Variants in ARMH3 observed in about 807,000 individuals in gnomAD.
The protein encoded by ARMH3 is armadillo like helical domain containing 3, also known as armadillo-like helical domain-containing protein 3.
In ARMH3, 60 loss-of-function variants were observed where a neutral mutation model predicts 99.1. The observed-to-expected ratio is 0.61, with a 90% CI of 0.49 to 0.75. ARMH3 has a LOEUF of 0.75. Among genes scored for constraint, ARMH3 ranks in the 30% least tolerant of loss-of-function variants. ARMH3 has a pLI of 0.00. For missense variants in ARMH3, 679 were observed against 843.1 expected (o/e 0.81, Z 2.41); for synonymous variants, 285 against 292.8 (o/e 0.97, Z 0.27).
intron 22 of ARMH3, among the ~76,000 whole-genome samples, chr10:101,950,986 A>T (rs756125795): frequency 2.0e-5 from 3 of 152,240 alleles, no homozygotes; most frequent in Non-Finnish European, 4.4e-5. Context: ...TATTAAAAAA[A>T]TTTTAAAAAG....
chr10:102,053,530 G>A (rs974367031), intron 1 of ARMH3, among the ~76,000 whole-genome samples: 2 of 151,888 alleles, frequency 1.3e-5, no homozygotes, highest in Admixed American at 6.6e-5. Context: ...CCACCAGGCC[G>A]AGTAAAAATG....
intron 21 of ARMH3, among the ~76,000 whole-genome samples, chr10:101,957,178 G>A (rs1358998824): frequency 6.6e-6 from 1 of 152,076 alleles, no homozygotes; most frequent in African/African-American, 2.4e-5. Flanking sequence ...CTCTAATGTT[G>A]AACATTTAAG....
At chr10:101,962,414 T>C (rs1261466814) in intron 20 of ARMH3, among the ~76,000 whole-genome samples, 1 of 151,994 alleles carries the variant, frequency 6.6e-6, no homozygotes, top group Non-Finnish European at 1.5e-5. Context: ...TTTTTTTTTT[T>C]TTACCCTCTA....
chr10:101,863,623 T>C (rs770843244), intron 24 of ARMH3, among the ~76,000 whole-genome samples: 6 of 152,120 alleles, frequency 3.9e-5, no homozygotes, highest in Non-Finnish European at 8.8e-5. Context: ...TTGTGTATCT[T>C]AGAAATTTTG....
intron 1 of ARMH3, among the ~76,000 whole-genome samples, chr10:102,054,985 A>C (rs1181841040): frequency 6.6e-6 from 1 of 151,346 alleles, no homozygotes; most frequent in Non-Finnish European, 1.5e-5. Flanking sequence ...AACGAGAGCG[A>C]AACTCCGTCT....
intron 22 of ARMH3, among the ~76,000 whole-genome samples, chr10:101,942,188 A>C (rs146097384): frequency 6.6e-6 from 1 of 152,344 alleles, no homozygotes; most frequent in African/African-American, 2.4e-5. Flanking sequence ...GCCATCATTT[A>C]TGTAGTAAAT....
chr10:101,918,303 C>T (rs1843166873), intron 23 of ARMH3, among the ~76,000 whole-genome samples: 1 of 152,218 alleles, frequency 6.6e-6, no homozygotes, highest in African/African-American at 2.4e-5. Flanking sequence ...ATCCGCTGCC[C>T]TCGGCCTCCC....
intron 24 of ARMH3, among the ~76,000 whole-genome samples, chr10:101,883,773 C>T (rs2067473043): frequency 1.3e-5 from 2 of 151,976 alleles, no homozygotes; most frequent in African/African-American, 4.8e-5. Context: ...GGGTGGATTG[C>T]CTGAGCCCAG....
At chr10:101,880,577 C>T (rs1286481332) in intron 24 of ARMH3, among the ~76,000 whole-genome samples, 2 of 152,148 alleles carry the variant, frequency 1.3e-5, no homozygotes, top group Admixed American at 6.5e-5. Context: ...GCTGGCTTCA[C>T]ATTAGTAGCC....
chr10:101,982,218 CA>C (rs559411942), intron 19 of ARMH3, among the ~76,000 whole-genome samples: 12 of 140,488 alleles, frequency 8.5e-5, no homozygotes, highest in Admixed American at 1.4e-4. Context: ...CCATCTCTAC[CA>C]AAAAAAAAAC....
chr10:101,892,551 T>C (rs1030861772), intron 23 of ARMH3, among the ~76,000 whole-genome samples: 1 of 152,114 alleles, frequency 6.6e-6, no homozygotes, highest in Non-Finnish European at 1.5e-5. Flanking sequence ...TTATAGCTTC[T>C]TGATAGTAAA....
At chr10:101,889,860 G>A (rs1313283776) in intron 23 of ARMH3, 1 of 207,338 alleles carries the variant, frequency 4.8e-6, no homozygotes, top group Non-Finnish European at 1.0e-5. Context: ...TCTGACTTGG[G>A]AGAACAGGGC....
chr10:102,006,859 A>T (rs1217866734), intron 13 of ARMH3, among the ~76,000 whole-genome samples: 1 of 151,864 alleles, frequency 6.6e-6, no homozygotes, highest in East Asian at 1.9e-4. Context: ...CTGTGCCCCT[A>T]GTCTCATAAT....
intron 24 of ARMH3, among the ~76,000 whole-genome samples, chr10:101,856,840 G>A (rs1304342578): frequency 3.3e-5 from 5 of 152,138 alleles, no homozygotes; most frequent in Non-Finnish European, 7.3e-5. Flanking sequence ...TCCAGACACT[G>A]CCCTTGCTTC....
Position 101,914,864 on chromosome 10 carries a change from CAAAAAAA to C in ARMH3, c.1781+24992_1781+24998del, listed in dbSNP as rs373264871. On this transcript the variant is annotated intron_variant, in intron 23 of 25. Coordinates refer to ENST00000370033, the MANE Select transcript of ARMH3 (RefSeq NM_024541.3). ...CCTAGGTGACAGTGAAAATCCATCTCAAAAAAAAAAAAAAAAAAAAAGCAAACTTATA... is the reference window on the plus strand; with the variant it reads ...CCTAGGTGACAGTGAAAATCCATCTCAAAAAAAAAAAAAAGCAAACTTATA... Among the ~76,000 whole-genome samples, 176 of 66,600 alleles carry C rather than the reference CAAAAAAA, an allele frequency of 2.6e-3. 2 individuals carry two copies. The highest frequency in any genetic ancestry group is 5.9e-3 in the East Asian group (14 of 2,386). 43.7% of individuals were successfully genotyped at this position (66,600 alleles called of 152,430 possible). A position where few individuals can be genotyped will look rare whatever the true frequency, so the allele number is the denominator to read the frequency against.
At chr10:101,987,535 G>T (rs767678226) in intron 19 of ARMH3, among the ~76,000 whole-genome samples, 1 of 152,184 alleles carries the variant, frequency 6.6e-6, no homozygotes, top group Non-Finnish European at 1.5e-5. Context: ...TGTGGTACCA[G>T]CCTGCAAGAT....
At chr10:101,849,140 C>T (rs1276943412) in intron 25 of ARMH3, among the ~76,000 whole-genome samples, 2 of 152,200 alleles carry the variant, frequency 1.3e-5, no homozygotes, top group Non-Finnish European at 2.9e-5. Flanking sequence ...TCTCAGTCCC[C>T]AGCCAGGATG....
chr10:101,965,968 A>T (rs934936563), intron 20 of ARMH3, among the ~76,000 whole-genome samples: 4 of 152,216 alleles, frequency 2.6e-5, no homozygotes, highest in African/African-American at 4.8e-5. Context: ...CTGTATGCAC[A>T]TGCAGATAGA....
rs1484446687 is a variant in ARMH3, at chr10:102,040,089, C to G, written c.26G>C (p.Gly9Ala). 2 of 1,614,192 alleles carry G rather than the reference C, an allele frequency of 1.2e-6. No homozygotes were observed. Among genetic ancestry groups the G allele is most frequent in the Non-Finnish European group, 1.7e-6 (2 of 1,180,022 alleles). The change falls in exon 2 of 26, where the codon GGT becomes GCT. Residue 9 changes from glycine (G) to alanine (A), a missense_variant. By Grantham distance (60) the Gly-to-Ala change is moderately conservative. Transcript: ENST00000370033. ...GGAGGCTGAAGATTTCCGGAGCAAA[C>G]CTCCACGTTTCTCTACCTGTGCCAT... MAQVEKRG[G>A]LLRKSSASKK...
Sources: gnomAD v4.1 joint callset for allele counts (sites outside exome capture counted in the v4.1 genomes callset) on GRCh38, gnomAD v4.1.1 for gene constraint, MANE v1.5 for transcripts, NCBI Gene and HGNC (gene_info 2026-07-23, HGNC 2026-07-21) for gene names.